Variants in PDGFC observed in about 807,000 individuals in gnomAD.
PDGFC encodes platelet-derived growth factor C.
A neutral mutation model predicts 35.5 loss-of-function variants in PDGFC; 12 were observed. That is an observed-to-expected ratio of 0.34 (90% CI 0.22 to 0.55). The LOEUF is 0.55. Ranked by LOEUF, PDGFC falls within the 20% of genes least tolerant of loss-of-function variation. PDGFC has a pLI of 0.91. For missense variants in PDGFC, 322 were observed against 412.4 expected (o/e 0.78, Z 1.90); for synonymous variants, 159 against 148.8 (o/e 1.07, Z -0.50).
chr4:156,900,320 A>T (rs1730736482), intron 1 of PDGFC, among the ~76,000 whole-genome samples: 1 of 152,166 alleles, frequency 6.6e-6, no homozygotes, highest in Admixed American at 6.5e-5. Flanking sequence ...CATTTAATGA[A>T]CTTTTTAAAA....
chr4:156,955,909 C>T (rs1732198025), intron 1 of PDGFC, among the ~76,000 whole-genome samples: 1 of 152,108 alleles, frequency 6.6e-6, no homozygotes, highest in South Asian at 2.1e-4. Flanking sequence ...CTGCTTAGAA[C>T]TCTCTCTTCC....
chr4:156,768,893 A>G (rs1037200119), intron 4 of PDGFC, among the ~76,000 whole-genome samples: 1 of 152,064 alleles, frequency 6.6e-6, no homozygotes, highest in Admixed American at 6.6e-5. Flanking sequence ...CAGGAAAATT[A>G]TATCGAAATA....
chr4:156,945,338 CATACATATAT>C (rs1731914535), intron 1 of PDGFC, among the ~76,000 whole-genome samples: 5 of 37,450 alleles, frequency 1.3e-4, no homozygotes, highest in South Asian at 9.0e-4. Context: ...TATACATATA[CATACATATAT>C]ATATATATAT....
chr4:156,970,697 G>T, intron 1 of PDGFC, 89 bp downstream of exon 1: 1 of 793,948 alleles, frequency 1.3e-6, no homozygotes, highest in Non-Finnish European at 2.2e-6. Flanking sequence ...TACCTTCACA[G>T]TCTGGTATAT....
Position 156,785,950 on chromosome 4 carries a change from C to T in PDGFC, c.496-13057G>A, listed in dbSNP as rs146752057. ...TTTACCCTGCCCCTCTATTCTGTAT[C>T]GCTTTGCCCTAAGTGTACAATGCTC... On this transcript the variant is annotated intron_variant, in intron 3 of 5. Coordinates refer to ENST00000502773, the MANE Select transcript of PDGFC (RefSeq NM_016205.3). 8.6e-4 allele frequency among the ~76,000 whole-genome samples: 131 copies of T among 152,242 alleles called. 1 individual carries two copies. The highest frequency in any genetic ancestry group is 2.7e-3 in the African/African-American group (114 of 41,540).
At chr4:156,772,346 C>T (rs1463238949) in intron 4 of PDGFC, among the ~76,000 whole-genome samples, 1 of 151,906 alleles carries the variant, frequency 6.6e-6, no homozygotes, top group Non-Finnish European at 1.5e-5. Flanking sequence ...CTTTTGAGTC[C>T]CAAAATCAAC....
chr4:156,893,991 A>T (rs1221498799), intron 1 of PDGFC, among the ~76,000 whole-genome samples: 1 of 152,188 alleles, frequency 6.6e-6, no homozygotes. Context: ...GTTCACAACC[A>T]TGTATCATTC....
intron 1 of PDGFC, among the ~76,000 whole-genome samples, chr4:156,867,922 G>A (rs139997131): frequency 3.9e-5 from 6 of 151,990 alleles, no homozygotes; most frequent in Admixed American, 6.6e-5. Flanking sequence ...TCTGTCGCCC[G>A]GGCTGTAGTA....
chr4:156,810,846 A>G lies in PDGFC; in HGVS notation c.486T>C (p.Ile162=). The G allele has an allele frequency of 6.3e-7, 1 of 1,592,570 alleles. No individual in the cohort carries two copies. The highest frequency in any genetic ancestry group is 8.6e-7 in the Non-Finnish European group (1 of 1,164,294). ...SEPGFCIHYN[I]VMPQFTEAVS... ...TGAAAGTGGTACTTACTGGCATGACAATGTTGTAGTGGATGCAGAACCCTG... is the reference window on the plus strand; with the variant it reads ...TGAAAGTGGTACTTACTGGCATGACGATGTTGTAGTGGATGCAGAACCCTG... Residue 162 remains isoleucine, a synonymous_variant, in exon 3 of 6, where the codon ATT becomes ATC. Coordinates refer to ENST00000502773, the MANE Select transcript of PDGFC (RefSeq NM_016205.3).
At position 156,875,890 on chromosome 4, in the gene PDGFC, A is replaced by G. The variant is rs1730105116; in HGVS notation, c.119-25474T>C. Among the ~76,000 whole-genome samples, 4 of 152,284 alleles carry G rather than the reference A, an allele frequency of 2.6e-5. No homozygotes were observed. In the East Asian group the frequency reaches 5.8e-4, roughly 22 times the overall value. On this transcript the variant is annotated intron_variant, in intron 1 of 5. Coordinates refer to ENST00000502773, the MANE Select transcript of PDGFC (RefSeq NM_016205.3). The stretch of plus-strand genomic sequence containing the variant: ...AGAGCAAAACCCTGTTGGGGGGAAA[A>G]AAAGTGATTTCGCACAGAAAACTGA...
At chr4:156,875,621 TC>T (rs1730096048) in intron 1 of PDGFC, among the ~76,000 whole-genome samples, 1 of 152,144 alleles carries the variant, frequency 6.6e-6, no homozygotes, top group Non-Finnish European at 1.5e-5. Context: ...AACATCTACC[TC>T]AAAAGTGATT....
At chr4:156,945,422 G>T (rs1162880541) in intron 1 of PDGFC, among the ~76,000 whole-genome samples, 2 of 125,458 alleles carry the variant, frequency 1.6e-5, no homozygotes, top group African/African-American at 5.7e-5. Context: ...ACAGTAATAT[G>T]CTTTCTTCTA....
chr4:156,870,042 G>A (rs983286987), intron 1 of PDGFC, among the ~76,000 whole-genome samples: 50 of 151,470 alleles, frequency 3.3e-4, no homozygotes, highest in African/African-American at 1.1e-3. Flanking sequence ...TGATGGCTAA[G>A]ATTCTAAATA....
intron 1 of PDGFC, among the ~76,000 whole-genome samples, chr4:156,902,992 CAGTTTTT>C (rs1383404646): frequency 1.3e-5 from 2 of 151,920 alleles, no homozygotes; most frequent in Non-Finnish European, 2.9e-5. Context: ...TACTAAGTTT[CAGTTTTT>C]AGAGTAACAT....
intron 3 of PDGFC, among the ~76,000 whole-genome samples, chr4:156,781,749 T>C (rs954608867): frequency 6.6e-6 from 1 of 152,126 alleles, no homozygotes; most frequent in African/African-American, 2.4e-5. Flanking sequence ...ACCTCATTTA[T>C]GTGTGTGTCT....
In PDGFC at chr4:156,903,410, A is replaced by G. The variant is rs115677812; in HGVS notation, c.119-52994T>C. On this transcript the variant is annotated intron_variant, in intron 1 of 5. Transcript: ENST00000502773. ...GCAAAGGTGATGGCACAAAGAGCTG[A>G]CCACAAGGATTTATAATGTTCCAAG... 7.7e-3 allele frequency among the ~76,000 whole-genome samples: 1,168 copies of G among 152,184 alleles called. 12 individuals are homozygous for G. The highest frequency in any genetic ancestry group is 0.072 in the East Asian group (370 of 5,172).
intron 1 of PDGFC, among the ~76,000 whole-genome samples, chr4:156,873,367 C>T (rs1438744086): frequency 6.6e-6 from 1 of 152,088 alleles, no homozygotes; most frequent in Non-Finnish European, 1.5e-5. Context: ...AATCTCCTTC[C>T]AGGTATTTGG....
In PDGFC at chr4:156,960,252, T is replaced by TTATATATATATATATA. The variant is rs202066963; in HGVS notation, c.118+10518_118+10533dup. Among the ~76,000 whole-genome samples, 696 of 137,000 alleles carry TTATATATATATATATA rather than the reference T, an allele frequency of 5.1e-3. 7 individuals are homozygous for TTATATATATATATATA. Among genetic ancestry groups the TTATATATATATATATA allele is most frequent in the African/African-American group, 0.018 (645 of 35,032 alleles). 89.9% of individuals were successfully genotyped at this position (137,000 alleles called of 152,430 possible). ...AAGCCATTTGATATATATATAACTG[T>TTATATATATATATATA]TATATATATATATATATATATAAAA... On this transcript the variant is annotated intron_variant, in intron 1 of 5. Transcript: ENST00000502773.
chr4:156,965,499 G>A (rs941454431), intron 1 of PDGFC, among the ~76,000 whole-genome samples: 1 of 152,052 alleles, frequency 6.6e-6, no homozygotes, highest in African/African-American at 2.4e-5. Context: ...GACAGTGAGG[G>A]GTGGTTAATT....
Sources: allele counts gnomAD v4.1 joint callset (sites outside exome capture counted in the v4.1 genomes callset), GRCh38; gene constraint gnomAD v4.1.1; transcripts MANE v1.5; gene names NCBI Gene and HGNC (gene_info 2026-07-23, HGNC 2026-07-21).